The following DLG2 variants were observed in gnomAD, a reference collection of about 807,000 sequenced individuals.
DLG2 encodes the protein discs large MAGUK scaffold protein 2.
DLG2 carries 45 observed loss-of-function variants against 132.5 expected under a neutral mutation model. That is an observed-to-expected ratio of 0.34 (90% CI 0.27 to 0.44). The LOEUF is 0.44. Ranked by LOEUF, DLG2 falls within the 20% of genes least tolerant of loss-of-function variation. DLG2 has a pLI of 1.00. For missense variants in DLG2, 1,045 were observed against 1,196.9 expected, an observed-to-expected ratio of 0.87 and a Z score of 1.87; for synonymous variants, 424 against 419.6, an observed-to-expected ratio of 1.01 and a Z score of -0.13.
chr11:84,295,675 G>C (rs2098080565), intron 7 of DLG2, among the ~76,000 whole-genome samples: 3 of 152,182 alleles, frequency 2.0e-5, no homozygotes, highest in Non-Finnish European at 2.9e-5. Flanking sequence ...GAGTAGTACA[G>C]ATACTAGAGT....
At chr11:84,170,552 C>T (rs759719700) in intron 8 of DLG2, among the ~76,000 whole-genome samples, 11 of 152,088 alleles carry the variant, frequency 7.2e-5, no homozygotes, top group South Asian at 2.1e-4. Context: ...GTGATTCCAC[C>T]GGCAGTGAGT....
intron 6 of DLG2, among the ~76,000 whole-genome samples, chr11:84,846,206 A>T (rs1316032673): frequency 6.6e-6 from 1 of 152,044 alleles, no homozygotes; most frequent in East Asian, 1.9e-4. Context: ...TCTGTCCTGC[A>T]GGTTTCTATA....
intron 6 of DLG2, among the ~76,000 whole-genome samples, chr11:84,623,099 C>T (rs980622179): frequency 6.6e-6 from 1 of 152,164 alleles, no homozygotes; most frequent in African/African-American, 2.4e-5. Context: ...CTATCCCAAA[C>T]ACCACCCTTT....
intron 17 of DLG2, among the ~76,000 whole-genome samples, chr11:83,823,218 C>T (rs542782929): frequency 6.6e-6 from 1 of 152,234 alleles, no homozygotes; most frequent in South Asian, 2.1e-4. Context: ...TCGATGATCA[C>T]TCCTTCTTTA....
At chr11:84,712,984 C>A (rs886675657) in intron 6 of DLG2, among the ~76,000 whole-genome samples, 1 of 152,050 alleles carries the variant, frequency 6.6e-6, no homozygotes, top group African/African-American at 2.4e-5. Flanking sequence ...TAACCTCATG[C>A]AGAAAATGAT....
intron 3 of DLG2, among the ~76,000 whole-genome samples, chr11:85,461,414 A>G (rs2092608017): frequency 6.6e-6 from 1 of 152,224 alleles, no homozygotes; most frequent in African/African-American, 2.4e-5. Flanking sequence ...GAAAGAGAAC[A>G]CAAGAAAACT....
chr11:84,091,856 T>C (rs1315522319), intron 10 of DLG2, among the ~76,000 whole-genome samples: 2 of 152,154 alleles, frequency 1.3e-5, no homozygotes, highest in African/African-American at 4.8e-5. Flanking sequence ...AGAAATCAAT[T>C]CCTTGTGACT....
chr11:84,084,067 C>T (rs905150552), intron 10 of DLG2, among the ~76,000 whole-genome samples: 1 of 152,128 alleles, frequency 6.6e-6, no homozygotes, highest in Admixed American at 6.5e-5. Flanking sequence ...CAGTTCATAC[C>T]TCTAAGGGTT....
chr11:84,750,155 T>A (rs755349592), intron 6 of DLG2, among the ~76,000 whole-genome samples: 16 of 152,164 alleles, frequency 1.1e-4, no homozygotes, highest in Non-Finnish European at 1.9e-4. Flanking sequence ...CTGTACTTTT[T>A]TTTTCCTTCA....
intron 10 of DLG2, among the ~76,000 whole-genome samples, chr11:84,084,325 C>T (rs1295275372): frequency 1.3e-5 from 2 of 152,148 alleles, no homozygotes; most frequent in Non-Finnish European, 2.9e-5. Flanking sequence ...TATATTCTAA[C>T]TTGGTTTTCC....
At chr11:83,762,802 C>T (rs1006603621) in intron 18 of DLG2, among the ~76,000 whole-genome samples, 2 of 152,202 alleles carry the variant, frequency 1.3e-5, no homozygotes, top group African/African-American at 2.4e-5. Flanking sequence ...AGGATGGTCT[C>T]GATCTTCTGA....
At chr11:85,126,166 A>C (rs1247078198) in intron 5 of DLG2, among the ~76,000 whole-genome samples, 1 of 152,214 alleles carries the variant, frequency 6.6e-6, no homozygotes, top group Non-Finnish European at 1.5e-5. Context: ...CTTTAGTTTA[A>C]TGAAAGATAG....
chr11:84,863,102 T>C (rs1703325798), intron 6 of DLG2, among the ~76,000 whole-genome samples: 1 of 152,032 alleles, frequency 6.6e-6, no homozygotes, highest in African/African-American at 2.4e-5. Context: ...GAAATAGCTG[T>C]ACGTATTTAA....
intron 8 of DLG2, among the ~76,000 whole-genome samples, chr11:84,201,914 G>A (rs546787028): frequency 7.2e-6 from 1 of 138,836 alleles, no homozygotes; most frequent in East Asian, 2.1e-4. Flanking sequence ...CACCTCCCGG[G>A]TTCAAGCGAT....
At chr11:85,413,719 G>A (rs568185359) in intron 3 of DLG2, among the ~76,000 whole-genome samples, 8 of 151,654 alleles carry the variant, frequency 5.3e-5, no homozygotes, top group South Asian at 2.1e-4. Flanking sequence ...GCTGTATTTC[G>A]GTTTGTTTCT....
At chr11:84,799,399 G>T (rs1481911637) in intron 6 of DLG2, among the ~76,000 whole-genome samples, 3 of 152,278 alleles carry the variant, frequency 2.0e-5, no homozygotes, top group Middle Eastern at 3.4e-3. Flanking sequence ...GCTGCCGGAG[G>T]TTGGAAGAGG....
chr11:84,220,026 T>C (rs2096892176), intron 8 of DLG2, among the ~76,000 whole-genome samples: 1 of 152,210 alleles, frequency 6.6e-6, no homozygotes, highest in Non-Finnish European at 1.5e-5. Context: ...TTTACCACTC[T>C]ACCAAATGTC....
chr11:84,285,731 T>G (rs551764794), intron 7 of DLG2, among the ~76,000 whole-genome samples: 1 of 152,346 alleles, frequency 6.6e-6, no homozygotes, highest in African/African-American at 2.4e-5. Flanking sequence ...CATCCTGTTA[T>G]AGCTTTTCAT....
intron 6 of DLG2, among the ~76,000 whole-genome samples, chr11:84,907,016 T>G (rs2091591270): frequency 6.6e-6 from 1 of 152,194 alleles, no homozygotes; most frequent in Non-Finnish European, 1.5e-5. Context: ...AACACAAATT[T>G]CAAAATAGAA....
Sources: allele counts gnomAD v4.1 joint callset (sites outside exome capture counted in the v4.1 genomes callset), GRCh38; gene constraint gnomAD v4.1.1; transcripts MANE v1.5; gene names NCBI Gene and HGNC (gene_info 2026-07-23, HGNC 2026-07-21).